Variants in ANTXR2 observed in about 807,000 individuals in gnomAD.
ANTXR2 encodes anthrax toxin receptor 2.
Under a neutral mutation model 73.7 loss-of-function variants are expected in ANTXR2, and 44 were observed. That is an observed-to-expected ratio of 0.60 (90% CI 0.47 to 0.77). ANTXR2 has a LOEUF of 0.77. Ranked by LOEUF, ANTXR2 falls within the 30% of genes least tolerant of loss-of-function variation. ANTXR2 has a pLI of 0.00. For missense variants in ANTXR2, 604 were observed against 592.5 expected, an observed-to-expected ratio of 1.02 and a Z score of -0.20; for synonymous variants, 217 against 205.9, an observed-to-expected ratio of 1.05 and a Z score of -0.46.
At chr4:80,001,472 TG>T (rs1003163686) in intron 12 of ANTXR2, among the ~76,000 whole-genome samples, 15 of 151,924 alleles carry the variant, frequency 9.9e-5, no homozygotes, top group Non-Finnish European at 1.9e-4. Flanking sequence ...CCTCTTATTT[TG>T]CAATTGCTTG....
intron 12 of ANTXR2, among the ~76,000 whole-genome samples, chr4:79,999,989 A>G (rs1337015755): frequency 6.6e-6 from 1 of 152,084 alleles, no homozygotes; most frequent in Non-Finnish European, 1.5e-5. Flanking sequence ...AGTTTTCACA[A>G]CTGCTAATAT....
At chr4:80,052,941 C>T (rs568989662) in intron 7 of ANTXR2, among the ~76,000 whole-genome samples, 2 of 151,486 alleles carry the variant, frequency 1.3e-5, no homozygotes, top group East Asian at 3.9e-4. Flanking sequence ...GGAAACAATC[C>T]ATCATCTGGG....
chr4:79,923,832 T>G (rs1327142065), intron 16 of ANTXR2, among the ~76,000 whole-genome samples: 2 of 152,162 alleles, frequency 1.3e-5, no homozygotes, highest in African/African-American at 4.8e-5. Flanking sequence ...TTCACACAAG[T>G]GGCAGAGCAC....
intron 4 of ANTXR2, 64 bp from the exon 5 acceptor site, chr4:80,055,531 T>TGGAA: frequency 7.5e-7 from 1 of 1,341,374 alleles, no homozygotes; most frequent in Non-Finnish European, 1.0e-6. Context: ...GCATGTTCCA[T>TGGAA]CAAGCTGAAT....
intron 12 of ANTXR2, among the ~76,000 whole-genome samples, chr4:80,007,245 TGA>T (rs1274317858): frequency 6.6e-6 from 1 of 152,136 alleles, no homozygotes; most frequent in Non-Finnish European, 1.5e-5. Flanking sequence ...TCAGCAAACA[TGA>T]GAGCGGCGGG....
intron 14 of ANTXR2, 86 bp from the exon 15 acceptor site, chr4:79,978,260 A>G: frequency 7.8e-7 from 1 of 1,290,216 alleles, no homozygotes; most frequent in Non-Finnish European, 1.0e-6. Context: ...CCTTTAGTTC[A>G]CATCTCAGAG....
intron 11 of ANTXR2, among the ~76,000 whole-genome samples, chr4:80,009,830 G>C (rs921919049): frequency 6.1e-5 from 9 of 146,814 alleles, no homozygotes; most frequent in Non-Finnish European, 8.9e-5. Context: ...CTGGGAGACA[G>C]AGTGAGACTC....
At chr4:80,008,078 C>T (rs759919561) in intron 12 of ANTXR2, among the ~76,000 whole-genome samples, 4 of 151,982 alleles carry the variant, frequency 2.6e-5, no homozygotes, top group Admixed American at 6.6e-5. Flanking sequence ...GACTAATTTC[C>T]GAACAAATAT....
rs991877893 is a variant in ANTXR2 at position 80,071,609 on chromosome 4, T to C, written c.198A>G (p.Val66=). The C allele has an allele frequency of 1.9e-6, 3 of 1,613,178 alleles. No individual in the cohort carries two copies. The highest frequency in any genetic ancestry group is 2.5e-6 in the Non-Finnish European group (3 of 1,179,304). The change falls in exon 2 of 17, where the codon GTA becomes GTG. Residue 66 remains valine, a synonymous_variant. Coordinates refer to ENST00000403729, the MANE Select transcript of ANTXR2 (RefSeq NM_058172.6). The part of the protein sequence containing the change: ...ANNWIEIYNF[V]QQLAERFVSP... ...TCACAAATCTCTCCGCAAGTTGCTGTACGAAATTATAAATTTCAATCCAGT... is the reference window on the plus strand; with the variant it reads ...TCACAAATCTCTCCGCAAGTTGCTGCACGAAATTATAAATTTCAATCCAGT...
At chr4:80,008,802 T>C (rs554767585) in intron 11 of ANTXR2, among the ~76,000 whole-genome samples, 186 bp from the exon 12 acceptor site, 116 of 152,326 alleles carry the variant, frequency 7.6e-4, no homozygotes, top group African/African-American at 2.6e-3. Context: ...ATATATTATG[T>C]TTTATGTTAT....
At chr4:80,062,477 T>C (rs1020168913) in intron 3 of ANTXR2, among the ~76,000 whole-genome samples, 1 of 152,170 alleles carries the variant, frequency 6.6e-6, no homozygotes, top group African/African-American at 2.4e-5. Context: ...AAAACAGATG[T>C]GGGACTTCAG....
intron 16 of ANTXR2, among the ~76,000 whole-genome samples, chr4:79,910,499 C>A (rs1727083180): frequency 8.8e-6 from 1 of 114,196 alleles, no homozygotes; most frequent in African/African-American, 3.4e-5. Context: ...CAGAGCGAGA[C>A]TCCGTCTCAA....
chr4:79,996,460 T>C (rs1040528807), intron 12 of ANTXR2, among the ~76,000 whole-genome samples: 2 of 151,998 alleles, frequency 1.3e-5, no homozygotes, highest in Non-Finnish European at 2.9e-5. Flanking sequence ...TTTATATAGA[T>C]ATAACATTTA....
intron 16 of ANTXR2, among the ~76,000 whole-genome samples, chr4:79,932,151 T>C (rs1181357599): frequency 3.3e-5 from 5 of 152,174 alleles, no homozygotes; most frequent in Admixed American, 1.3e-4. Context: ...TGGTAATACA[T>C]TGTCAATTAA....
intron 16 of ANTXR2, among the ~76,000 whole-genome samples, chr4:79,953,185 T>C (rs1287989650): frequency 6.6e-6 from 1 of 152,166 alleles, no homozygotes; most frequent in Admixed American, 6.5e-5. Context: ...AAAAAATAGC[T>C]GGCAGCCCAT....
At chr4:79,912,203 C>T (rs986971845) in intron 16 of ANTXR2, among the ~76,000 whole-genome samples, 1 of 151,734 alleles carries the variant, frequency 6.6e-6, no homozygotes, top group African/African-American at 2.4e-5. Flanking sequence ...TTATCACTGA[C>T]TTTATGCTAT....
At chr4:80,063,352 A>C (rs1008615565) in intron 3 of ANTXR2, among the ~76,000 whole-genome samples, 1 of 152,222 alleles carries the variant, frequency 6.6e-6, no homozygotes, top group Non-Finnish European at 1.5e-5. Flanking sequence ...GTAATGGTTG[A>C]ATATGCTCTA....
chr4:80,023,321 C>A (rs1732262974), intron 10 of ANTXR2, among the ~76,000 whole-genome samples: 1 of 152,074 alleles, frequency 6.6e-6, no homozygotes, highest in East Asian at 1.9e-4. Flanking sequence ...TGTGCTTAAA[C>A]CTCAGGCCTA....
chr4:80,002,240 C>T (rs938793380), intron 12 of ANTXR2, among the ~76,000 whole-genome samples: 1 of 152,030 alleles, frequency 6.6e-6, no homozygotes, highest in South Asian at 2.1e-4. Flanking sequence ...GAACAGAGCC[C>T]TCAGAAATAA....
Sources: allele counts gnomAD v4.1 joint callset (sites outside exome capture counted in the v4.1 genomes callset), GRCh38; gene constraint gnomAD v4.1.1; transcripts MANE v1.5; gene names NCBI Gene and HGNC (gene_info 2026-07-23, HGNC 2026-07-21).